Variants in TCF7 observed in about 807,000 individuals in gnomAD.
TCF7 encodes transcription factor 7.
TCF7 carries 19 observed loss-of-function variants against 46.8 expected under a neutral mutation model. The ratio of observed to expected loss-of-function variants is 0.41; its 90% CI spans 0.28 to 0.60. TCF7 has a LOEUF of 0.60. Among genes scored for constraint, TCF7 ranks in the 20% least tolerant of loss-of-function variants. TCF7 has a pLI of 0.35. For synonymous variants in TCF7, 245 were observed against 213.4 expected (o/e 1.15, Z -1.29); for missense variants, 547 against 504.6 (o/e 1.08, Z -0.81).
intron 9 of TCF7, chr5:134,144,443 G>C: frequency 3.2e-6 from 1 of 309,426 alleles, no homozygotes; most frequent in Admixed American, 4.6e-5. Flanking sequence ...GGTGGCCCTA[G>C]GGCATAAAAG....
At chr5:134,126,959 C>G (rs994514698) in intron 3 of TCF7, among the ~76,000 whole-genome samples, 1 of 151,300 alleles carries the variant, frequency 6.6e-6, no homozygotes, top group African/African-American at 2.4e-5. Context: ...TCCCTTTTTG[C>G]AGATGGGGAA....
intron 5 of TCF7, chr5:134,139,846 C>T (rs1348476973): frequency 6.6e-6 from 1 of 152,314 alleles, no homozygotes; most frequent in Non-Finnish European, 1.5e-5. Flanking sequence ...TGGTCAGCAC[C>T]CTCCTCCGTT....
chr5:134,130,460 G>A (rs1481247763), intron 3 of TCF7, among the ~76,000 whole-genome samples: 1 of 152,232 alleles, frequency 6.6e-6, no homozygotes, highest in Non-Finnish European at 1.5e-5. Context: ...AGGGGAGCTG[G>A]GCCAAGGGCT....
At position 134,138,077 on chromosome 5, in the gene TCF7, C is replaced by G. The variant is rs752351497; in HGVS notation, c.460C>G (p.Pro154Ala). 1 of 1,606,610 alleles carries G rather than the reference C, an allele frequency of 6.2e-7. No homozygotes were observed. Among genetic ancestry groups the G allele is most frequent in the Non-Finnish European group, 8.5e-7 (1 of 1,176,214 alleles). The stretch of plus-strand genomic sequence containing the variant: ...TTTTCAGCACAAGGCCAATCAGCCC[C>G]CCCACGGTGTCCCCCAACTCTCTCT... ...QPPLHKANQP[P>A]HGVPQLSLYE... Residue 154 changes from proline to alanine, a missense_variant, in exon 4 of 10, where the codon CCC becomes GCC. Physicochemically the swap from Pro to Ala is conservative, Grantham distance 27. This residue lies in a region of TCF7 where 425 missense variants were observed against 349.9 expected (regional missense o/e 1.21). Coordinates refer to ENST00000342854, the MANE Select transcript of TCF7 (RefSeq NM_003202.5).
chr5:134,145,710 A>C (rs1416593467), intron 9 of TCF7: 2 of 1,611,932 alleles, frequency 1.2e-6, no homozygotes, highest in Non-Finnish European at 1.7e-6. Flanking sequence ...CCCTGTCTTC[A>C]GGGGAAGTTC....
At chr5:134,110,673 C>T (rs568510650), upstream of TCF7, among the ~76,000 whole-genome samples, 4 of 152,254 alleles carry the variant, frequency 2.6e-5, no homozygotes, top group African/African-American at 9.6e-5. Flanking sequence ...CAAGCCCCAA[C>T]AGGATGCCAG....
rs1206013850 is a variant in TCF7, at chr5:134,138,047, C to A, written c.442-12C>A. 1 of 1,585,616 alleles carries A rather than the reference C, an allele frequency of 6.3e-7. No homozygotes were observed. Among genetic ancestry groups the A allele is most frequent in the South Asian group, 1.1e-5 (1 of 88,260 alleles). On this transcript the variant is annotated splice_polypyrimidine_tract_variant and intron_variant, in intron 3 of 9. Coordinates refer to ENST00000342854, the MANE Select transcript of TCF7 (RefSeq NM_003202.5). ...CTCGCCACACTCACCCACCCTCCTT[C>A]TCATTTTTCAGCACAAGGCCAATCA...
chr5:134,132,492 G>A (rs1431418971), intron 3 of TCF7, among the ~76,000 whole-genome samples: 1 of 152,224 alleles, frequency 6.6e-6, no homozygotes, highest in African/African-American at 2.4e-5. Context: ...GGCCTGAACA[G>A]GCCTCACCTA....
upstream of TCF7, among the ~76,000 whole-genome samples, chr5:134,113,174 C>A (rs1174667959): frequency 6.6e-6 from 1 of 152,228 alleles, no homozygotes; most frequent in East Asian, 1.9e-4. Flanking sequence ...GCAAGCCCAC[C>A]CTGGGAAGAG....
chr5:134,111,524 G>A (rs1023604346), upstream of TCF7, among the ~76,000 whole-genome samples: 4 of 152,022 alleles, frequency 2.6e-5, no homozygotes, highest in South Asian at 2.1e-4. Flanking sequence ...AGGTGGCCTC[G>A]GGTGGGCTCA....
the TCF7 span, among the ~76,000 whole-genome samples, chr5:134,108,515 C>T: frequency 6.6e-6 from 1 of 152,152 alleles, no homozygotes; most frequent in South Asian, 2.1e-4. Context: ...CCCCTACTAC[C>T]CCTGTTGTCC....
At position 134,146,364 on chromosome 5, in the gene TCF7, C is replaced by G. The variant is rs576439594; in HGVS notation, c.*61C>G. The G allele has an allele frequency of 1.2e-4, 195 of 1,591,990 alleles. 3 individuals carry two copies. The Admixed American group carries it at 3.2e-3, about 26-fold the overall frequency. On this transcript the variant is annotated 3_prime_UTR_variant, in exon 10 of 10. Coordinates refer to ENST00000342854, the MANE Select transcript of TCF7 (RefSeq NM_003202.5). ...TCATACCATCTGCTGCCCCGCTTCC[C>G]CACAGAACTGCTTACTAGCCCTGCG...
At chr5:134,137,280 C>T (rs1438729821) in intron 3 of TCF7, among the ~76,000 whole-genome samples, 2 of 152,038 alleles carry the variant, frequency 1.3e-5, no homozygotes, top group Middle Eastern at 3.4e-3. Context: ...AAAAATTAGC[C>T]GGGTGTGGTG....
At chr5:134,121,085 T>G (rs772552421) in intron 3 of TCF7, among the ~76,000 whole-genome samples, 8 of 152,130 alleles carry the variant, frequency 5.3e-5, no homozygotes, top group Non-Finnish European at 8.8e-5. Context: ...ACAGGCCGCC[T>G]ACTTACTGCC....
At chr5:134,122,231 G>A (rs1470979062) in intron 3 of TCF7, among the ~76,000 whole-genome samples, 1 of 152,152 alleles carries the variant, frequency 6.6e-6, no homozygotes, top group Non-Finnish European at 1.5e-5. Context: ...TGGGGTCAGG[G>A]AGGGATGGCC....
chr5:134,126,316 G>A (rs144049121), intron 3 of TCF7, among the ~76,000 whole-genome samples: 23 of 152,362 alleles, frequency 1.5e-4, no homozygotes, highest in East Asian at 1.2e-3. Flanking sequence ...ATGGGCGGGG[G>A]TGTGGGGACA....
Position 134,142,167 on chromosome 5 carries a change from C to T in TCF7, c.636-18C>T, listed in dbSNP as rs905391545. ...CCCATAATTCTTGGCTCAGTGTTAA[C>T]TTTCTTCCTGCCTCCAGGTTCACCC... On this transcript the variant is annotated intron_variant, in intron 5 of 9. Coordinates refer to ENST00000342854, the MANE Select transcript of TCF7 (RefSeq NM_003202.5). The T allele has an allele frequency of 6.2e-7, 1 of 1,613,982 alleles. No individual in the cohort carries two copies. Among genetic ancestry groups the T allele is most frequent in the Non-Finnish European group, 8.5e-7 (1 of 1,179,882 alleles).
intron 3 of TCF7, among the ~76,000 whole-genome samples, chr5:134,122,077 GC>G (rs1756672716): frequency 6.6e-6 from 1 of 152,178 alleles, no homozygotes; most frequent in South Asian, 2.1e-4. Flanking sequence ...AAAATCTGCA[GC>G]CTCTTTTCTG....
rs1336227820 is a variant in TCF7 at position 134,146,311 on chromosome 5, C to G, written c.*8C>G. The G allele has an allele frequency of 1.2e-6, 2 of 1,613,958 alleles. No individual in the cohort carries two copies. Among genetic ancestry groups the G allele is most frequent in the Non-Finnish European group, 1.7e-6 (2 of 1,180,020 alleles). ...CCGATGACAGTGCTCTAGGCTGCCC[C>G]GGGTCCCCAGCTCCCCAGGACTCAC... On this transcript the variant is annotated 3_prime_UTR_variant, in exon 10 of 10. Transcript: ENST00000342854.
Sources: gnomAD v4.1 joint callset for allele counts (sites outside exome capture counted in the v4.1 genomes callset) on GRCh38, gnomAD v4.1.1 for gene constraint, gnomAD v4.1.1 regional missense constraint, MANE v1.5 for transcripts, NCBI Gene and HGNC (gene_info 2026-07-23, HGNC 2026-07-21) for gene names.